NAV1: variants seen among roughly 807,000 people sequenced by gnomAD.
NAV1 encodes pore membrane and/or filament interacting like protein 3.
Under a neutral mutation model 175.2 loss-of-function variants are expected in NAV1, and 18 were observed. The ratio of observed to expected loss-of-function variants is 0.10; its 90% CI spans 0.07 to 0.15. NAV1 has a LOEUF of 0.15. Among genes scored for constraint, NAV1 ranks in the 10% least tolerant of loss-of-function variants. The pLI is 1.00. For missense variants in NAV1, 1,731 were observed against 2,436.6 expected (o/e 0.71, Z 6.10); for synonymous variants, 897 against 978.7 (o/e 0.92, Z 1.56).
At chr1:201,568,955 C>A (rs1666449599) in intron 1 of NAV1, among the ~76,000 whole-genome samples, 1 of 152,142 alleles carries the variant, frequency 6.6e-6, no homozygotes, top group East Asian at 1.9e-4. Flanking sequence ...GAAGGTCAGA[C>A]TGTGTGGTCC....
Position 201,808,129 on chromosome 1 carries a change from C to T in NAV1, c.3825C>T (p.Ser1275=), listed in dbSNP as rs753309885. 16 of 1,614,076 alleles carry T rather than the reference C, an allele frequency of 9.9e-6. No individual in the cohort carries two copies. The highest frequency in any genetic ancestry group is 4.5e-5 in the East Asian group (2 of 44,896). Residue 1275 remains serine, a synonymous_variant, in exon 18 of 30, where the codon TCC becomes TCT. Coordinates refer to ENST00000367296, the Ensembl canonical transcript of NAV1. The surrounding 1 kb of genome is among the most constrained non-coding windows in gnomAD (Gnocchi z 5.5). Reference sequence around the variant, plus strand: ...CCATCAAGTCCTCCACCTCGTCCTCCGTGGGCACTGATGTCACCGAGTAAG... The same window carrying T: ...CCATCAAGTCCTCCACCTCGTCCTCTGTGGGCACTGATGTCACCGAGTAAG...
In NAV1 at chr1:201,715,451, C is replaced by T. The variant is rs529872568; in HGVS notation, c.860+2532C>T. On this transcript the variant is annotated intron_variant, in intron 2 of 29. Coordinates refer to ENST00000367296, the Ensembl canonical transcript of NAV1. ...CTGGGATTACAGGTGTGAGCCACCA[C>T]GCCCTGCCGGCTCTTTTACTTTTTA... Among the ~76,000 whole-genome samples, 5 of 152,338 alleles carry T rather than the reference C, an allele frequency of 3.3e-5. No individual in the cohort carries two copies. In the South Asian group the frequency reaches 8.3e-4, roughly 25 times the overall value.
At chr1:201,558,526 C>A (rs149194237) in intron 1 of NAV1, among the ~76,000 whole-genome samples, 1,783 of 152,290 alleles carry the variant, frequency 0.012, 25 homozygotes, top group Non-Finnish European at 0.017. Context: ...AATCTCGGCT[C>A]ACTGCAACAT....
intron 3 of NAV1, among the ~76,000 whole-genome samples, chr1:201,733,673 G>T (rs770002474): frequency 6.6e-6 from 1 of 152,170 alleles, no homozygotes; most frequent in East Asian, 1.9e-4. Context: ...GTCAGGGAAG[G>T]CTTCTTTGAT....
intron 2 of NAV1, among the ~76,000 whole-genome samples, chr1:201,636,601 T>A (rs992096593): frequency 6.6e-6 from 1 of 152,180 alleles, no homozygotes; most frequent in African/African-American, 2.4e-5. Flanking sequence ...TGTGGAGTCA[T>A]CCACGTGAGA....
chr1:201,619,031 C>T (rs1668080497), upstream of NAV1, among the ~76,000 whole-genome samples: 1 of 152,150 alleles, frequency 6.6e-6, no homozygotes, highest in African/African-American at 2.4e-5. Context: ...TGTGCATCCT[C>T]CTCCCAGTCT....
chr1:201,582,605 G>A (rs374678937), intron 1 of NAV1, among the ~76,000 whole-genome samples: 5 of 152,352 alleles, frequency 3.3e-5, no homozygotes, highest in East Asian at 1.9e-4. Flanking sequence ...GCTGGGGAAT[G>A]GTGAGGAATG....
At chr1:201,576,321 G>C (rs572849002) in intron 1 of NAV1, among the ~76,000 whole-genome samples, 2 of 152,324 alleles carry the variant, frequency 1.3e-5, no homozygotes, top group South Asian at 4.1e-4. Flanking sequence ...GATTCATCCA[G>C]GTGTGTGTAT....
chr1:201,821,291 C>G (rs1679362248), exon 30 of NAV1: 1 of 152,534 alleles, frequency 6.6e-6, no homozygotes, highest in Non-Finnish European at 1.5e-5. Context: ...AATGAGTATT[C>G]ACATATAAGA....
intron 3 of NAV1, chr1:201,739,693 C>T: frequency 1.1e-6 from 1 of 935,486 alleles, no homozygotes; most frequent in African/African-American, 1.7e-5. Context: ...CTCCAGGCTT[C>T]CGAGGCCACC....
chr1:201,683,491 G>T (rs545758208), intron 1 of NAV1, among the ~76,000 whole-genome samples: 1 of 152,140 alleles, frequency 6.6e-6, no homozygotes, highest in South Asian at 2.1e-4. Context: ...CCTACAATGC[G>T]CAGTTCACAA....
At chr1:201,666,188 G>A (rs1353671065) in intron 1 of NAV1, among the ~76,000 whole-genome samples, 1 of 152,044 alleles carries the variant, frequency 6.6e-6, no homozygotes, top group Non-Finnish European at 1.5e-5. Flanking sequence ...TGCCCATGGA[G>A]AAGGCTGGGA....
chr1:201,579,854 T>A (rs1249016406), intron 1 of NAV1, among the ~76,000 whole-genome samples: 2 of 152,182 alleles, frequency 1.3e-5, no homozygotes, highest in Non-Finnish European at 2.9e-5. Flanking sequence ...TTGGCTCATG[T>A]GATTTTGGAG....
chr1:201,603,073 C>A lies in NAV1; in HGVS notation c.-33+14424C>A, dbSNP rs183012486. ...CTCCTGCCTGCCGCCCCAGTCCTGG[C>A]GTGAACCTAGAAGCTGGTGAGACAG... On this transcript the variant is annotated intron_variant, in intron 2 of 33. Transcript: ENST00000685211. Among the ~76,000 whole-genome samples the A allele has an allele frequency of 1.8e-4, 28 of 152,276 alleles. No homozygotes were observed. In the East Asian group the frequency reaches 4.6e-3, roughly 25 times the overall value.
intron 1 of NAV1, chr1:201,673,753 A>G (rs559670493): frequency 6.6e-6 from 1 of 152,422 alleles, no homozygotes; most frequent in East Asian, 1.9e-4. Context: ...TAGCAGTTGA[A>G]TAGCAGCCTT....
Position 201,668,046 on chromosome 1 carries a change from G to A in NAV1, c.757+18621G>A, listed in dbSNP as rs114409708. On this transcript the variant is annotated intron_variant, in intron 1 of 29. Coordinates refer to ENST00000367296, the Ensembl canonical transcript of NAV1. ...AGCTTGAGGCACTTGAAACCATAGC[G>A]CCCATGTCTTCCTCCTGCTGAGGGA... is the stretch of plus-strand genomic sequence containing the variant. 6.5e-3 allele frequency among the ~76,000 whole-genome samples: 988 copies of A among 152,298 alleles called. 13 individuals carry two copies. The highest frequency in any genetic ancestry group is 0.021 in the African/African-American group (886 of 41,576).
chr1:201,825,298 G>A (rs902586029), exon 30 of NAV1: 2 of 149,800 alleles, frequency 1.3e-5, no homozygotes, highest in Admixed American at 6.7e-5. Context: ...TATCTATTCC[G>A]AGCTGATTAT....
At chr1:201,743,020 T>C (rs1673531104) in intron 3 of NAV1, among the ~76,000 whole-genome samples, 2 of 152,214 alleles carry the variant, frequency 1.3e-5, no homozygotes, top group South Asian at 2.1e-4. Context: ...TACTAAGTGC[T>C]TTGTAACCAT....
intron 1 of NAV1, among the ~76,000 whole-genome samples, chr1:201,555,350 G>A (rs987736929): frequency 1.6e-4 from 25 of 152,124 alleles, no homozygotes; most frequent in African/African-American, 5.3e-4. Flanking sequence ...ATGTGACCTC[G>A]TTCAAATCTC....
Sources: allele counts gnomAD v4.1 joint callset (sites outside exome capture counted in the v4.1 genomes callset), GRCh38; gene constraint gnomAD v4.1.1; non-coding constraint Gnocchi (gnomAD v3.1); transcripts MANE v1.5; gene names NCBI Gene and HGNC (gene_info 2026-07-23, HGNC 2026-07-21).